The following IFT140 variants were observed in gnomAD, a reference collection of about 807,000 sequenced individuals.
IFT140 encodes intraflagellar transport protein 140 homolog.
A neutral mutation model predicts 164.6 loss-of-function variants in IFT140; 133 were observed. The observed-to-expected ratio is 0.81, with a 90% CI of 0.70 to 0.93. IFT140 has a LOEUF of 0.93. IFT140 is among the 40% of genes least tolerant of loss of function. IFT140 has a pLI of 0.00. For synonymous variants in IFT140, 860 were observed against 817.3 expected (o/e 1.05, Z -0.89); for missense variants, 2,045 against 1,972.3 (o/e 1.04, Z -0.70).
intron 19 of IFT140, among the ~76,000 whole-genome samples, chr16:1,529,503 G>A (rs1044654219): frequency 2.6e-5 from 4 of 152,226 alleles, no homozygotes; most frequent in Non-Finnish European, 5.9e-5. Flanking sequence ...TGCCCCAGGC[G>A]CAGCGTCCTG....
At chr16:1,526,430 C>A in intron 20 of IFT140, 189 bp downstream of exon 20, 1 of 654,344 alleles carries the variant, frequency 1.5e-6, no homozygotes, top group Non-Finnish European at 2.5e-6. Flanking sequence ...GGAGAGCCGG[C>A]GGTCGCCTAG....
In IFT140 at chr16:1,525,266, C is replaced by T. The variant is rs141779807; in HGVS notation, c.2829G>A (p.Pro943=). The part of the protein sequence containing the change: ...EVPRMLSEDL[P]SLELYVNKMK... ...TTTTATTCACGTAGAGCTCCAGGGA[C>T]GGCAGGTCCTCCGACAGCATCCTGG... is the stretch of plus-strand genomic sequence containing the variant. The change falls in exon 22 of 31, where the codon CCG becomes CCA. Residue 943 remains proline (P), a synonymous_variant. Coordinates refer to ENST00000426508, the MANE Select transcript of IFT140 (RefSeq NM_014714.4). 222 of 1,612,910 alleles carry T rather than the reference C, an allele frequency of 1.4e-4. No individual in the cohort carries two copies. In the East Asian group the frequency reaches 1.6e-3, roughly 12 times the overall value.
In IFT140 at chr16:1,520,588, C is replaced by T. The variant is rs571494292; in HGVS notation, c.3660+14G>A. 100 of 1,559,152 alleles carry T rather than the reference C, an allele frequency of 6.4e-5. No individual in the cohort carries two copies. Among genetic ancestry groups the T allele is most frequent in the Admixed American group, 3.0e-4 (16 of 53,998 alleles). On this transcript the variant is annotated intron_variant, in intron 27 of 30. Coordinates refer to ENST00000426508, the MANE Select transcript of IFT140 (RefSeq NM_014714.4). ...CTGTGAGGTAGCCGCGGGCTGGGGCCGGGAGAGGCTCACCTTCAGCTTGTT... is the reference window on the plus strand; with the variant it reads ...CTGTGAGGTAGCCGCGGGCTGGGGCTGGGAGAGGCTCACCTTCAGCTTGTT...
At chr16:1,592,636 G>T (rs376997918) in intron 4 of IFT140, 48 bp from the exon 5 acceptor site, 1 of 1,578,174 alleles carries the variant, frequency 6.3e-7, no homozygotes, top group South Asian at 1.2e-5. Context: ...CCGGCAGAGC[G>T]ACTGGTGGAG....
At chr16:1,536,546 G>A (rs900413600) in intron 19 of IFT140, among the ~76,000 whole-genome samples, 1 of 152,200 alleles carries the variant, frequency 6.6e-6, no homozygotes, top group African/African-American at 2.4e-5. Context: ...GAAGCGTCAC[G>A]GAAGCTCCTT....
chr16:1,520,569 G>C (rs1180005193), intron 27 of IFT140, 33 bp downstream of exon 27: 7 of 1,538,000 alleles, frequency 4.6e-6, no homozygotes, highest in Non-Finnish European at 6.2e-6. Context: ...CTGCCTGTGA[G>C]GTAGCCGCGG....
At chr16:1,540,976 C>A (rs2031577180) in intron 19 of IFT140, 1 of 985,300 alleles carries the variant, frequency 1.0e-6, no homozygotes, top group African/African-American at 1.7e-5. Flanking sequence ...TGCTTCACCA[C>A]CACCTCATTT....
Position 1,564,032 on chromosome 16 carries a change from T to C in IFT140, c.2032A>G (p.Asn678Asp). The C allele has an allele frequency of 1.3e-6, 2 of 1,596,702 alleles. No individual in the cohort carries two copies. The highest frequency in any genetic ancestry group is 1.7e-6 in the Non-Finnish European group (2 of 1,166,548). Residue 678 changes from asparagine to aspartate, a missense_variant, in exon 17 of 31, where the codon AAC becomes GAC. By Grantham distance (23) the Asn-to-Asp change is conservative (BLOSUM62 1). Coordinates refer to ENST00000426508, the MANE Select transcript of IFT140 (RefSeq NM_014714.4). This position sits in a 1 kb window ranked among gnomAD's most constrained non-coding sequence, Gnocchi z 5.5. ...ETPRSQPQSA[N>D]GQPQDGRAGP... Reference sequence around the variant, plus strand: ...GCGCGCCCATCTTGGGGCTGCCCGTTTGCAGACTGAGGCTGGGAGCGCGGC... The same window carrying C: ...GCGCGCCCATCTTGGGGCTGCCCGTCTGCAGACTGAGGCTGGGAGCGCGGC...
rs546477603 is a variant in IFT140 at position 1,544,928 on chromosome 16, G to A, written c.2399+13007C>T. On this transcript the variant is annotated intron_variant, in intron 19 of 30. Coordinates refer to ENST00000426508, the MANE Select transcript of IFT140 (RefSeq NM_014714.4). ...CTCCCAAAGTGCTGGGATTACAAGCGTGAGCCACGGCACCCGGCCCAGATC... is the reference window on the plus strand; with the variant it reads ...CTCCCAAAGTGCTGGGATTACAAGCATGAGCCACGGCACCCGGCCCAGATC... Among the ~76,000 whole-genome samples the A allele has an allele frequency of 5.3e-5, 8 of 152,326 alleles. No homozygotes were observed. In the South Asian group the frequency reaches 1.0e-3, roughly 20 times the overall value.
At chr16:1,527,006 A>G (rs1246316582) in intron 19 of IFT140, 2 of 556,506 alleles carry the variant, frequency 3.6e-6, no homozygotes, top group East Asian at 2.9e-5. Context: ...CCTAACCCCA[A>G]GAGGCAGGGG....
intron 26 of IFT140, among the ~76,000 whole-genome samples, chr16:1,523,218 CAAAA>C (rs397855579): frequency 4.8e-5 from 5 of 103,110 alleles, no homozygotes; most frequent in Non-Finnish European, 4.3e-5. Context: ...GACCCTGTCT[CAAAA>C]AAAAAAAAAA....
chr16:1,543,054 CTG>C (rs751191079), intron 19 of IFT140, among the ~76,000 whole-genome samples: 1 of 152,256 alleles, frequency 6.6e-6, no homozygotes, highest in Non-Finnish European at 1.5e-5. Flanking sequence ...GGTTTGAAGA[CTG>C]TGGGCATCTG....
chr16:1,585,906 G>GACT (rs2034848346), intron 10 of IFT140, among the ~76,000 whole-genome samples: 1 of 151,712 alleles, frequency 6.6e-6, no homozygotes, highest in South Asian at 2.1e-4. Flanking sequence ...GAGTAGCTGA[G>GACT]GCTACAGGCG....
intron 19 of IFT140, among the ~76,000 whole-genome samples, chr16:1,528,511 GCACA>G (rs562912516): frequency 1.3e-5 from 2 of 149,248 alleles, no homozygotes; most frequent in African/African-American, 2.5e-5. Context: ...ACACATGCAG[GCACA>G]CACACAGGCA....
At chr16:1,592,391 G>A (rs2035225540) in intron 5 of IFT140, 73 bp from the exon 6 acceptor site, 1 of 1,611,050 alleles carries the variant, frequency 6.2e-7, no homozygotes, top group Non-Finnish European at 8.5e-7. Context: ...GGCCCCTCCT[G>A]GGTCAGGAGC....
At chr16:1,534,513 T>C in intron 19 of IFT140, 1 of 1,607,616 alleles carries the variant, frequency 6.2e-7, no homozygotes, top group African/African-American at 1.3e-5. Flanking sequence ...GGGCTGGGGC[T>C]CCGAGGCAGC....
chr16:1,517,218 T>C (rs753332269), intron 30 of IFT140, among the ~76,000 whole-genome samples: 1 of 151,916 alleles, frequency 6.6e-6, no homozygotes, highest in Non-Finnish European at 1.5e-5. Context: ...GGCATGCTGA[T>C]GCACACCTGT....
chr16:1,525,421 A>G (rs890620828), intron 21 of IFT140, 95 bp from the exon 22 acceptor site: 3 of 917,570 alleles, frequency 3.3e-6, no homozygotes, highest in Non-Finnish European at 5.3e-6. Flanking sequence ...AACGCATCAG[A>G]GCGGTGGCCC....
intron 13 of IFT140, among the ~76,000 whole-genome samples, chr16:1,572,153 TAAG>T (rs1305323248): frequency 2.6e-5 from 4 of 152,166 alleles, no homozygotes; most frequent in Admixed American, 2.6e-4. Context: ...GTAAAATGTT[TAAG>T]AAGTCAGCCA....
Sources: allele counts gnomAD v4.1 joint callset (sites outside exome capture counted in the v4.1 genomes callset), GRCh38; gene constraint gnomAD v4.1.1; non-coding constraint Gnocchi (gnomAD v3.1); transcripts MANE v1.5; gene names NCBI Gene and HGNC (gene_info 2026-07-23, HGNC 2026-07-21).